The following BCO2 variants were observed in gnomAD, a reference collection of about 807,000 sequenced individuals.
The protein encoded by BCO2 is beta-carotene oxygenase 2, also known as carotenoid-cleaving dioxygenase, mitochondrial.
A neutral mutation model predicts 65.8 loss-of-function variants in BCO2; 56 were observed. The observed-to-expected ratio is 0.85, with a 90% CI of 0.69 to 1.06. The LOEUF is 1.06. Ranked by LOEUF, BCO2 falls within the 50% of genes least tolerant of loss-of-function variation. BCO2 has a pLI of 0.00. For missense variants in BCO2, 675 were observed against 698.5 expected (o/e 0.97, Z 0.38); for synonymous variants, 233 against 242.3 (o/e 0.96, Z 0.36).
intron 2 of BCO2, among the ~76,000 whole-genome samples, chr11:112,191,772 C>T (rs1867397809): frequency 6.6e-6 from 1 of 151,968 alleles, no homozygotes; most frequent in Non-Finnish European, 1.5e-5. Flanking sequence ...AAGAATAGAC[C>T]AATAGATGAA....
intron 8 of BCO2, among the ~76,000 whole-genome samples, chr11:112,203,710 T>C (rs537774580): frequency 2.6e-5 from 4 of 152,236 alleles, no homozygotes; most frequent in Non-Finnish European, 5.9e-5. Context: ...ATACTACATA[T>C]CTACTGTTTG....
intron 2 of BCO2, chr11:112,181,251 G>A (rs112933580): frequency 8.1e-6 from 5 of 614,560 alleles, no homozygotes; most frequent in South Asian, 1.8e-5. Flanking sequence ...GCGGGATCTC[G>A]GCTCACTGCA....
chr11:112,201,981 A>G, intron 7 of BCO2, 42 bp from the exon 8 acceptor site: 2 of 1,505,986 alleles, frequency 1.3e-6, no homozygotes, highest in Non-Finnish European at 1.8e-6. Context: ...AAAGAAGAAA[A>G]CTAAAAAAAA....
intron 8 of BCO2, among the ~76,000 whole-genome samples, chr11:112,202,495 T>G (rs943023889): frequency 4.6e-5 from 7 of 151,994 alleles, no homozygotes; most frequent in African/African-American, 1.7e-4. Context: ...TTGGCCAGAC[T>G]TGTCTCGAAC....
chr11:112,201,309 A>T (rs1041287634), intron 7 of BCO2, among the ~76,000 whole-genome samples: 19 of 151,898 alleles, frequency 1.3e-4, no homozygotes, highest in African/African-American at 4.4e-4. Context: ...CACCACACCC[A>T]GCTAATTTTT....
In BCO2 at chr11:112,175,748, A is replaced by G; in HGVS notation, c.88+59A>G. ...CCTCTTCTTGCCAGTCTGCGCTTAG[A>G]ATTCTGTGCCTCTTTCCTGAAGGTT... On this transcript the variant is annotated intron_variant, in intron 1 of 11. Coordinates refer to ENST00000357685, the MANE Select transcript of BCO2 (RefSeq NM_031938.7). The G allele has an allele frequency of 2.1e-6, 3 of 1,442,604 alleles. No homozygotes were observed. The Admixed American group carries it at 5.0e-5, about 24-fold the overall frequency. The allele number at this position is 1,442,604 out of a possible 1,614,324, so 89.4% of individuals were successfully genotyped here.
chr11:112,201,645 A>C (rs577151858), intron 7 of BCO2, among the ~76,000 whole-genome samples: 76 of 152,236 alleles, frequency 5.0e-4, no homozygotes, highest in Non-Finnish European at 8.1e-4. Flanking sequence ...TGCACCTTAA[A>C]AAAAATTAGT....
In BCO2 at chr11:112,216,265, C is replaced by T. The variant is rs775447491; in HGVS notation, c.1561C>T (p.Pro521Ser). ...TTATCCCTCAGAACCTGTTTTTGTT[C>T]CAGCACCAGGAACCAATGAAGAAGA... is the stretch of plus-strand genomic sequence containing the variant. ...GFYPSEPVFV[P>S]APGTNEEDGG... is the part of the protein sequence containing the mutation. The change falls in exon 11 of 12, where the codon CCA becomes TCA. Residue 521 changes from proline to serine, a missense_variant. By Grantham distance (74) the Pro-to-Ser change is moderately conservative. Transcript: ENST00000357685. 6 of 1,614,098 alleles carry T rather than the reference C, an allele frequency of 3.7e-6. No homozygotes were observed. The highest frequency in any genetic ancestry group is 5.1e-6 in the Non-Finnish European group (6 of 1,179,998).
intron 10 of BCO2, chr11:112,215,164 T>C (rs1566802927): frequency 1.9e-6 from 1 of 539,900 alleles, no homozygotes; most frequent in Non-Finnish European, 3.3e-6. Context: ...ATGTTTGATT[T>C]TGATGTTATT....
chr11:112,196,389 C>T (rs1867574567), intron 5 of BCO2, among the ~76,000 whole-genome samples: 2 of 152,060 alleles, frequency 1.3e-5, no homozygotes, highest in African/African-American at 4.8e-5. Context: ...CATTGTAATA[C>T]AGTAAAATGC....
Position 112,188,269 on chromosome 11 carries a change from C to G in BCO2, c.294-5205C>G, listed in dbSNP as rs373965112. 4.5e-4 allele frequency among the ~76,000 whole-genome samples: 68 copies of G among 152,332 alleles called. No homozygotes were observed. The East Asian group carries it at 0.011, about 24-fold the overall frequency. On this transcript the variant is annotated intron_variant, in intron 2 of 11. Transcript: ENST00000357685. ...CCAACATTTTGGACCCTCTCTTTGT[C>G]GCTGTCTACATCCTATCAGTCATCT... is the stretch of plus-strand genomic sequence containing the variant.
At chr11:112,215,709 A>AAAAGC (rs1859654559) in intron 10 of BCO2, 1 of 150,024 alleles carries the variant, frequency 6.7e-6, no homozygotes, top group African/African-American at 2.5e-5. Flanking sequence ...TTCCGTCTCA[A>AAAAGC]AAATCAAAAC....
chr11:112,214,806 G>A lies in BCO2; in HGVS notation c.1377G>A (p.Lys459=), dbSNP rs766982043. The A allele has an allele frequency of 2.6e-5, 42 of 1,613,804 alleles. No individual in the cohort carries two copies. The highest frequency in any genetic ancestry group is 8.0e-5 in the African/African-American group (6 of 74,918). Residue 459 remains lysine (K), a synonymous_variant, in exon 10 of 12, where the codon AAG becomes AAA. Transcript: ENST00000357685. ...HENLHQEDLE[K]EGGIEFPQIY... ...ATCTACATCAGGAGGACCTAGAAAA[G>A]GAAGGAGGCATTGAATTTCCTCAGA... is the stretch of plus-strand genomic sequence containing the variant.
At position 112,186,720 on chromosome 11, in the gene BCO2, G is replaced by A. The variant is rs139129082; in HGVS notation, c.294-6754G>A. Among the ~76,000 whole-genome samples the A allele has an allele frequency of 3.7e-4, 56 of 152,260 alleles. No homozygotes were observed. The East Asian group carries it at 0.011, about 29-fold the overall frequency. On this transcript the variant is annotated intron_variant, in intron 2 of 11. Transcript: ENST00000357685. The stretch of plus-strand genomic sequence containing the variant: ...TTAAAGTTATGTGAAGGCTGGGTGT[G>A]GTTGATCACACCTATAATCACAGTG...
chr11:112,215,020 G>A (rs762481742), intron 10 of BCO2, 76 bp downstream of exon 10: 16 of 1,414,346 alleles, frequency 1.1e-5, no homozygotes, highest in Admixed American at 1.7e-5. Context: ...TTTATTTAAA[G>A]TAGCTCTTAA....
At position 112,214,793 on chromosome 11, in the gene BCO2, A is replaced by G; in HGVS notation, c.1364A>G (p.Glu455Gly). The change falls in exon 10 of 12, where the codon GAG becomes GGG. Residue 455 changes from glutamate (E) to glycine (G), a missense_variant. Coordinates refer to ENST00000357685, the MANE Select transcript of BCO2 (RefSeq NM_031938.7). ...IWCSHENLHQ[E>G]DLEKEGGIEF... ...TGCTCTCATGAAAATCTACATCAGGAGGACCTAGAAAAGGAAGGAGGCATT... is the reference window on the plus strand; with the variant it reads ...TGCTCTCATGAAAATCTACATCAGGGGGACCTAGAAAAGGAAGGAGGCATT... 1 of 1,613,812 alleles carries G rather than the reference A, an allele frequency of 6.2e-7. No individual in the cohort carries two copies. Among genetic ancestry groups the G allele is most frequent in the Non-Finnish European group, 8.5e-7 (1 of 1,179,696 alleles).
At position 112,193,940 on chromosome 11, in the gene BCO2, T is replaced by C. The variant is rs377733092; in HGVS notation, c.579T>C (p.Thr193=). ...VRYKGDYYLC[T]ETNFMNKVDI... is the part of the protein sequence containing the mutation. ...ACAAGGGTGATTACTACCTCTGCAC[T>C]GAGACCAACTTTATGAATAAAGTGG... Residue 193 remains threonine (T), a synonymous_variant, in exon 4 of 12, where the codon ACT becomes ACC. Coordinates refer to ENST00000357685, the MANE Select transcript of BCO2 (RefSeq NM_031938.7). The C allele has an allele frequency of 5.0e-6, 8 of 1,612,870 alleles. No individual in the cohort carries two copies. In the Admixed American group the frequency reaches 1.3e-4, roughly 27 times the overall value.
At chr11:112,208,973 G>GT (rs1236594690) in intron 8 of BCO2, 1 of 153,414 alleles carries the variant, frequency 6.5e-6, no homozygotes, top group Non-Finnish European at 1.5e-5. Context: ...AAAATAGACT[G>GT]TTTTTTAGAG....
chr11:112,207,439 T>G (rs942174321), intron 8 of BCO2, among the ~76,000 whole-genome samples: 3 of 152,232 alleles, frequency 2.0e-5, no homozygotes, highest in Non-Finnish European at 4.4e-5. Flanking sequence ...GGCAAGGTAA[T>G]GAAAATATTA....
Sources: gnomAD v4.1 joint callset for allele counts (sites outside exome capture counted in the v4.1 genomes callset) on GRCh38, gnomAD v4.1.1 for gene constraint, MANE v1.5 for transcripts, NCBI Gene and HGNC (gene_info 2026-07-23, HGNC 2026-07-21) for gene names.